The following SNX13 variants were observed in gnomAD, a reference collection of about 807,000 sequenced individuals.
The protein encoded by SNX13 is sorting nexin-13.
Under a neutral mutation model 133.6 loss-of-function variants are expected in SNX13, and 45 were observed. That is an observed-to-expected ratio of 0.34 (90% confidence interval 0.27 to 0.43). SNX13 has a LOEUF of 0.43. Ranked by LOEUF, SNX13 falls within the 20% of genes least tolerant of loss-of-function variation. The probability of loss-of-function intolerance (pLI) is 1.00; values close to 1 mark genes in which losing one functional copy is unlikely to be tolerated. For synonymous variants in SNX13, 414 were observed against 373.9 expected (o/e 1.11, Z -1.24); for missense variants, 1,032 against 1,145.1 (o/e 0.90, Z 1.43).
intron 9 of SNX13, among the ~76,000 whole-genome samples, chr7:17,856,271 A>G (rs991245743): frequency 1.3e-5 from 2 of 152,256 alleles, no homozygotes; most frequent in East Asian, 1.9e-4. Context: ...TATAAATTTA[A>G]GGTATCTTTT....
intron 25 of SNX13, chr7:17,794,811 A>G (rs1230878459): frequency 2.0e-5 from 3 of 151,670 alleles, no homozygotes; most frequent in African/African-American, 7.3e-5. Context: ...GTTTCATTGG[A>G]ACACAGGAAA....
chr7:17,910,227 T>C (rs769226292), intron 1 of SNX13, among the ~76,000 whole-genome samples: 1 of 152,244 alleles, frequency 6.6e-6, no homozygotes, highest in Non-Finnish European at 1.5e-5. Flanking sequence ...CCATAGGTTT[T>C]AGGAACATAA....
intron 5 of SNX13, among the ~76,000 whole-genome samples, chr7:17,876,956 A>C (rs971045750): frequency 2.0e-5 from 3 of 151,824 alleles, no homozygotes; most frequent in Non-Finnish European, 4.4e-5. Flanking sequence ...GGAGGAACCA[A>C]AAAAGTATGC....
intron 9 of SNX13, among the ~76,000 whole-genome samples, chr7:17,865,997 G>A (rs1793353107): frequency 6.6e-6 from 1 of 152,096 alleles, no homozygotes; most frequent in Admixed American, 6.6e-5. Flanking sequence ...ATTTAAAATG[G>A]ATTAAAGACT....
chr7:17,850,802 T>C (rs1165810442), intron 10 of SNX13, 24 bp downstream of exon 10: 5 of 1,496,976 alleles, frequency 3.3e-6, no homozygotes, highest in Admixed American at 2.4e-5. Context: ...AAAAAATATA[T>C]CTTAAATTAA....
At chr7:17,855,889 G>C (rs751352064) in intron 9 of SNX13, among the ~76,000 whole-genome samples, 1 of 152,186 alleles carries the variant, frequency 6.6e-6, no homozygotes, top group Admixed American at 6.5e-5. Flanking sequence ...TCTAGATAGT[G>C]ATTCCTCTGA....
intron 21 of SNX13, among the ~76,000 whole-genome samples, chr7:17,802,836 T>C (rs1784780985): frequency 1.3e-5 from 2 of 152,104 alleles, no homozygotes; most frequent in Admixed American, 1.3e-4. Flanking sequence ...AAATGTTAAT[T>C]AGGAATTCAA....
At chr7:17,898,501 G>A (rs563480262) in intron 1 of SNX13, among the ~76,000 whole-genome samples, 3 of 152,256 alleles carry the variant, frequency 2.0e-5, no homozygotes, top group African/African-American at 7.2e-5. Flanking sequence ...ACAGCTCAAG[G>A]TAGTGGGGAT....
rs762969440 is a variant in SNX13, at chr7:17,875,822, T to C, written c.441-32A>G. On this transcript the variant is annotated intron_variant, in intron 5 of 25. Coordinates refer to ENST00000428135, the MANE Select transcript of SNX13 (RefSeq NM_015132.5). ...AAAAACACATTACATAAAAGGATTA[T>C]ATAAATGCTTTATCAGAAAATATAA... 1.1e-5 allele frequency: 16 copies of C among 1,486,242 alleles called. No homozygotes were observed. The Admixed American group carries it at 2.6e-4, about 24-fold the overall frequency. 92.1% of individuals were successfully genotyped at this position (1,486,242 alleles called of 1,614,324 possible). A position where few individuals can be genotyped will look rare whatever the true frequency, so the allele number is the denominator to read the frequency against.
intron 1 of SNX13, among the ~76,000 whole-genome samples, chr7:17,910,513 A>C (rs1428375450): frequency 6.6e-6 from 1 of 152,200 alleles, no homozygotes; most frequent in Admixed American, 6.5e-5. Context: ...GCAGTTTCTC[A>C]AAAAATTGAA....
chr7:17,808,735 C>T (rs965351941), intron 20 of SNX13, among the ~76,000 whole-genome samples: 3 of 152,112 alleles, frequency 2.0e-5, no homozygotes, highest in African/African-American at 4.8e-5. Flanking sequence ...AAGGGAAGCC[C>T]GTCAGACTAA....
chr7:17,857,306 T>G (rs568655899), intron 9 of SNX13, among the ~76,000 whole-genome samples: 35 of 152,260 alleles, frequency 2.3e-4, no homozygotes, highest in Middle Eastern at 3.4e-3. Context: ...TTCTACCAAA[T>G]ATTTTTAAAG....
intron 20 of SNX13, among the ~76,000 whole-genome samples, chr7:17,811,501 C>T (rs1389741775): frequency 6.6e-6 from 1 of 152,054 alleles, no homozygotes; most frequent in Non-Finnish European, 1.5e-5. Flanking sequence ...TAAGAGAGGA[C>T]ACAAATAAAT....
At chr7:17,803,302 A>C in intron 21 of SNX13, 117 bp downstream of exon 21, 1 of 934,914 alleles carries the variant, frequency 1.1e-6, no homozygotes, top group Non-Finnish European at 1.5e-6. Flanking sequence ...CTATGTGTCT[A>C]GCAATGTTTG....
intron 8 of SNX13, among the ~76,000 whole-genome samples, chr7:17,870,594 G>C (rs1358288265): frequency 6.6e-6 from 1 of 152,140 alleles, no homozygotes; most frequent in Non-Finnish European, 1.5e-5. Context: ...TGGCTCTTAG[G>C]AGTCAACTTA....
intron 17 of SNX13, among the ~76,000 whole-genome samples, chr7:17,822,446 C>A (rs1196060008): frequency 2.0e-5 from 3 of 152,116 alleles, no homozygotes; most frequent in Non-Finnish European, 4.4e-5. Flanking sequence ...TTAATCCATT[C>A]TCTGACCTTA....
chr7:17,868,960 G>A (rs1161281487), intron 8 of SNX13, among the ~76,000 whole-genome samples: 1 of 151,960 alleles, frequency 6.6e-6, no homozygotes, highest in Non-Finnish European at 1.5e-5. Flanking sequence ...AATGTCTACT[G>A]TATTATTCTC....
At chr7:17,914,757 G>A (rs1483058878) in intron 1 of SNX13, among the ~76,000 whole-genome samples, 2 of 152,104 alleles carry the variant, frequency 1.3e-5, no homozygotes, top group African/African-American at 4.8e-5. Flanking sequence ...AACAATACTT[G>A]CTGTCACAAA....
chr7:17,857,666 C>A (rs1239206331), intron 9 of SNX13, among the ~76,000 whole-genome samples: 1 of 152,028 alleles, frequency 6.6e-6, no homozygotes, highest in Non-Finnish European at 1.5e-5. Context: ...CATCTGTAAT[C>A]CCAGTTACTC....
Sources: gnomAD v4.1 joint callset for allele counts (sites outside exome capture counted in the v4.1 genomes callset) on GRCh38, gnomAD v4.1.1 for gene constraint, MANE v1.5 for transcripts, NCBI Gene and HGNC (gene_info 2026-07-23, HGNC 2026-07-21) for gene names.